CLOCK: variants seen among roughly 807,000 people sequenced by gnomAD.
CLOCK encodes the protein circadian locomoter output cycles protein kaput.
In CLOCK, 43 loss-of-function variants were observed where a neutral mutation model predicts 118.4. The ratio of observed to expected loss-of-function variants is 0.36; its 90% CI spans 0.28 to 0.47. The LOEUF (loss-of-function observed/expected upper bound fraction) is 0.47. Ranked by LOEUF, CLOCK falls within the 20% of genes least tolerant of loss-of-function variation. CLOCK has a pLI of 1.00. For missense variants in CLOCK, 846 were observed against 999.9 expected (o/e 0.85, Z 2.08); for synonymous variants, 326 against 339.2 (o/e 0.96, Z 0.43).
intron 1 of CLOCK, among the ~76,000 whole-genome samples, chr4:55,520,905 T>A (rs1484468383): frequency 6.6e-6 from 1 of 152,180 alleles, no homozygotes; most frequent in Non-Finnish European, 1.5e-5. Context: ...TAAAAATTGC[T>A]CCCTATAACA....
chr4:55,435,428 A>C lies in CLOCK; in HGVS notation c.2528T>G (p.Val843Gly). 1 of 1,613,860 alleles carries C rather than the reference A, an allele frequency of 6.2e-7. No individual in the cohort carries two copies. Among genetic ancestry groups the C allele is most frequent in the Middle Eastern group, 1.7e-4 (1 of 6,058 alleles). ...GAAGCACGTGTGCTACTGTGGTTGA[A>C]CCTTGGAAGGGTCGGGCAAGCTGTC... ...RTDSLPDPSK[V>G]QPQ Residue 843 changes from valine to glycine, a missense_variant, in exon 23 of 23, where the codon GTT (valine) becomes GGT (glycine). Physicochemically the swap from Val to Gly is moderately radical, Grantham distance 109. Coordinates refer to ENST00000513440, the MANE Select transcript of CLOCK (RefSeq NM_004898.4).
intron 21 of CLOCK, 130 bp downstream of exon 21, chr4:55,442,301 AT>A: frequency 1.3e-6 from 1 of 792,490 alleles, no homozygotes; most frequent in Non-Finnish European, 2.1e-6. Context: ...TTTATTTCAA[AT>A]TTAAGAACAT....
intron 3 of CLOCK, among the ~76,000 whole-genome samples, chr4:55,488,316 T>A (rs1727439695): frequency 6.6e-6 from 1 of 152,184 alleles, no homozygotes; most frequent in Admixed American, 6.5e-5. Flanking sequence ...CCTAGATAAA[T>A]CACACTTCTA....
chr4:55,441,545 C>G (rs1723367735), intron 21 of CLOCK, among the ~76,000 whole-genome samples: 1 of 152,096 alleles, frequency 6.6e-6, no homozygotes, highest in Non-Finnish European at 1.5e-5. Flanking sequence ...GCCTACTACT[C>G]AGCCATAAAA....
chr4:55,444,873 C>T (rs892738604), intron 18 of CLOCK, 88 bp from the exon 19 acceptor site: 1 of 1,345,148 alleles, frequency 7.4e-7, no homozygotes, highest in East Asian at 2.5e-5. Context: ...AGCAGTATAA[C>T]ATGAGTGAAG....
At chr4:55,490,176 T>C (rs4865001) in intron 2 of CLOCK, among the ~76,000 whole-genome samples, 45,978 of 151,526 alleles carry the variant, frequency 0.3, 7,583 homozygotes, top group East Asian at 0.58. Flanking sequence ...AGTGAAAGAA[T>C]GGAAAAATAT....
chr4:55,530,887 G>A (rs149958190), intron 1 of CLOCK, among the ~76,000 whole-genome samples: 68 of 151,392 alleles, frequency 4.5e-4, no homozygotes, highest in African/African-American at 1.5e-3. Flanking sequence ...TGCAGACACG[G>A]AATAGCTCAG....
At chr4:55,444,577 C>G in intron 19 of CLOCK, 56 bp downstream of exon 19, 1 of 1,607,660 alleles carries the variant, frequency 6.2e-7, no homozygotes, top group Non-Finnish European at 8.5e-7. Flanking sequence ...GTTAATTTTC[C>G]TAGAAATCCA....
intron 20 of CLOCK, 125 bp from the exon 21 acceptor site, chr4:55,442,759 T>C (rs1723478669): frequency 1.2e-6 from 1 of 843,182 alleles, no homozygotes; most frequent in Non-Finnish European, 1.9e-6. Context: ...GATATATTAC[T>C]CTGGGGGAAA....
At chr4:55,436,533 T>C (rs1207582427) in intron 22 of CLOCK, among the ~76,000 whole-genome samples, 1 of 152,244 alleles carries the variant, frequency 6.6e-6, no homozygotes, top group Non-Finnish European at 1.5e-5. Flanking sequence ...ACAGTACAAC[T>C]TGATGCAGGG....
chr4:55,478,942 T>C lies in CLOCK; in HGVS notation c.129A>G (p.Glu43=). ...CATTAAATTGATCTCTACGTTTCTTTTCAGATTTGTTTCTAGATACTCTGA... is the reference window on the plus strand; with the variant it reads ...CATTAAATTGATCTCTACGTTTCTTCTCAGATTTGTTTCTAGATACTCTGA... ...KAKRVSRNKS[E]KKRRDQFNVL... The change falls in exon 6 of 23, where the codon GAA becomes GAG. Residue 43 remains glutamate (E), a synonymous_variant. Transcript: ENST00000513440. 6.3e-7 allele frequency: 1 copy of C among 1,597,016 alleles called. No homozygotes were observed. Among genetic ancestry groups the C allele is most frequent in the Non-Finnish European group, 8.6e-7 (1 of 1,169,356 alleles).
Position 55,432,640 on chromosome 4 carries a change from T to A in CLOCK, c.*2775A>T, listed in dbSNP as rs1200745977. ...TCATGGGGCAGGGTGGGGGGCGGGATAGCTTTGCAACCCAAATTTAAGAGA... is the reference window on the plus strand; with the variant it reads ...TCATGGGGCAGGGTGGGGGGCGGGAAAGCTTTGCAACCCAAATTTAAGAGA... On this transcript the variant is annotated 3_prime_UTR_variant, in exon 23 of 23. Transcript: ENST00000513440. 7.2e-6 allele frequency: 1 copy of A among 139,072 alleles called. No individual in the cohort carries two copies. The highest frequency in any genetic ancestry group is 7.1e-5 in the Admixed American group (1 of 14,104). 8.6% of individuals were successfully genotyped at this position (139,072 alleles called of 1,614,324 possible). A position where few individuals can be genotyped will look rare whatever the true frequency, so the allele number is the denominator to read the frequency against.
In CLOCK at chr4:55,546,780, A is replaced by T. The variant is rs1731668606; in HGVS notation, c.-290+2T>A. ...TGGGCCCACCGGGCGGGCGCCTCTC[A>T]CCGGGAGCGCTCGCGGCGGCGGCGG... On this transcript the variant is annotated splice_donor_variant, in intron 1 of 22. Transcript: ENST00000513440. LOFTEE classifies it low-confidence loss of function (5UTR_SPLICE). 1 of 149,212 alleles carries T rather than the reference A, an allele frequency of 6.7e-6. No individual in the cohort carries two copies. Among genetic ancestry groups the T allele is most frequent in the South Asian group, 2.1e-4 (1 of 4,676 alleles). 9.2% of individuals were successfully genotyped at this position (149,212 alleles called of 1,614,324 possible). A position where few individuals can be genotyped will look rare whatever the true frequency, so the allele number is the denominator to read the frequency against.
At chr4:55,504,128 C>CA (rs941849694) in intron 2 of CLOCK, among the ~76,000 whole-genome samples, 7 of 148,942 alleles carry the variant, frequency 4.7e-5, no homozygotes, top group South Asian at 2.1e-4. Context: ...ACTAAAAATA[C>CA]AAAAAAAATT....
intron 3 of CLOCK, among the ~76,000 whole-genome samples, chr4:55,485,233 G>A (rs998981891): frequency 6.6e-6 from 1 of 152,120 alleles, no homozygotes; most frequent in Non-Finnish European, 1.5e-5. Context: ...CCAAAGTGCT[G>A]GGATTACAGG....
chr4:55,518,386 ATT>A (rs1288678898), intron 1 of CLOCK, among the ~76,000 whole-genome samples: 1 of 152,188 alleles, frequency 6.6e-6, no homozygotes. Context: ...CCCACAGGGT[ATT>A]AATCCCTAAA....
At chr4:55,437,674 C>T (rs150288378) in intron 22 of CLOCK, among the ~76,000 whole-genome samples, 1 of 152,302 alleles carries the variant, frequency 6.6e-6, no homozygotes, top group Non-Finnish European at 1.5e-5. Context: ...CCACTTTACA[C>T]GTGACGTTTA....
At chr4:55,486,100 G>A (rs1031690792) in intron 3 of CLOCK, among the ~76,000 whole-genome samples, 9 of 152,082 alleles carry the variant, frequency 5.9e-5, no homozygotes, top group Non-Finnish European at 1.2e-4. Context: ...ATTTTGGTTA[G>A]GTGGTTATAT....
intron 22 of CLOCK, 63 bp downstream of exon 22, chr4:55,438,219 A>C: frequency 6.4e-7 from 1 of 1,567,910 alleles, no homozygotes; most frequent in African/African-American, 1.3e-5. Context: ...TGTTCACTTA[A>C]TGCTTAATTT....
Sources: allele counts gnomAD v4.1 joint callset (sites outside exome capture counted in the v4.1 genomes callset), GRCh38; gene constraint gnomAD v4.1.1; transcripts MANE v1.5; gene names NCBI Gene and HGNC (gene_info 2026-07-23, HGNC 2026-07-21).